The following DNMT3A variants were observed in gnomAD, a reference collection of about 807,000 sequenced individuals.
DNMT3A encodes DNA methyltransferase 3 alpha.
A neutral mutation model predicts 117.6 loss-of-function variants in DNMT3A; 267 were observed. That is an observed-to-expected ratio of 2.27 (90% confidence interval 2.05 to 2.51). The LOEUF is 2.51. Among genes scored for constraint, DNMT3A ranks in the 30% most tolerant of loss-of-function variants. The pLI is 0.00. For synonymous variants in DNMT3A, 432 were observed against 474.8 expected, an observed-to-expected ratio of 0.91 and a Z score of 1.17; for missense variants, 1,029 against 1,260.2, an observed-to-expected ratio of 0.82 and a Z score of 2.78.
chr2:25,244,998 T>A lies in DNMT3A; in HGVS notation c.1554+255A>T, dbSNP rs112056585. On this transcript the variant is annotated intron_variant, in intron 13 of 22. Coordinates refer to ENST00000321117, the MANE Select transcript of DNMT3A (RefSeq NM_022552.5). ...GCTTGTCCCCGCTGCTCTGCTCCCA[T>A]CCCCACATCTGGGGACTAAAATGGG... Among the ~76,000 whole-genome samples, 2,891 of 152,138 alleles carry A rather than the reference T, an allele frequency of 0.019. 40 individuals carry two copies. Among genetic ancestry groups the A allele is most frequent in the Non-Finnish European group, 0.027 (1,833 of 67,986 alleles).
intron 10 of DNMT3A, 125 bp downstream of exon 10, chr2:25,246,495 C>T: frequency 1.3e-5 from 19 of 1,463,528 alleles, no homozygotes; most frequent in Non-Finnish European, 1.7e-5. Flanking sequence ...AAGAGAGACC[C>T]CGGCTGTTCC....
rs1388588592 is a variant in DNMT3A at position 25,237,374 on chromosome 2, G to T, written c.2409-369C>A. Among the ~76,000 whole-genome samples the T allele has an allele frequency of 1.3e-5, 2 of 152,218 alleles. No homozygotes were observed. Among genetic ancestry groups the T allele is most frequent in the Middle Eastern group, 3.2e-3 (1 of 316 alleles). ...TCCCACTGCGAAGCAAGCTTTGGGGGTGACAATGTTCTGTATCTTGATTTG... is the reference window on the plus strand; with the variant it reads ...TCCCACTGCGAAGCAAGCTTTGGGGTTGACAATGTTCTGTATCTTGATTTG... On this transcript the variant is annotated intron_variant, in intron 20 of 22. Coordinates refer to ENST00000321117, the MANE Select transcript of DNMT3A (RefSeq NM_022552.5). This position sits in a 1 kb window ranked among gnomAD's most constrained non-coding sequence, Gnocchi z 5.4.
At chr2:25,246,475 AC>A in intron 10 of DNMT3A, 144 bp downstream of exon 10, 5 of 1,431,106 alleles carry the variant, frequency 3.5e-6, no homozygotes, top group Non-Finnish European at 2.8e-6. Flanking sequence ...TCAAGTCCTG[AC>A]CCCAGGGCAA....
Position 25,247,079 on chromosome 2 carries a change from T to G in DNMT3A, c.1094A>C (p.Tyr365Ser). ...CAGGACCTCGTAGATGGCTTTGCGG[T>G]ACATGGGCTGCTTGTTGTACGTGGC... is the stretch of plus-strand genomic sequence containing the variant. ...HQATYNKQPM[Y>S]RKAIYEVLQV... The change falls in exon 9 of 23, where the codon TAC becomes TCC. Residue 365 changes from tyrosine to serine, a missense_variant. By Grantham distance (144) the Tyr-to-Ser change is moderately radical (BLOSUM62 -2). Coordinates refer to ENST00000321117, the MANE Select transcript of DNMT3A (RefSeq NM_022552.5). This position sits in a 1 kb window ranked among gnomAD's most constrained non-coding sequence, Gnocchi z 5.6. The G allele has an allele frequency of 1.2e-6, 2 of 1,614,076 alleles. No individual in the cohort carries two copies. Among genetic ancestry groups the G allele is most frequent in the Non-Finnish European group, 1.7e-6 (2 of 1,179,990 alleles).
intron 1 of DNMT3A, among the ~76,000 whole-genome samples, chr2:25,334,395 G>A (rs28529368): frequency 2.0e-3 from 302 of 152,198 alleles, no homozygotes; most frequent in African/African-American, 7.0e-3. Flanking sequence ...CTACCCCTTC[G>A]TGGGGCCTCC....
chr2:25,251,138 G>A, intron 6 of DNMT3A, among the ~76,000 whole-genome samples: 1 of 141,366 alleles, frequency 7.1e-6, no homozygotes, highest in East Asian at 2.2e-4. Context: ...GCAGTGGGGT[G>A]GGGGAAGGAA....
Position 25,289,346 on chromosome 2 carries a change from C to T in DNMT3A, c.178-6635G>A, listed in dbSNP as rs372885039. Reference sequence around the variant, plus strand: ...AACTCCTGATCCCAGGTGATCCATCCGCCTCAGCCTCCCAAAGTGCTGGGA... The same window carrying T: ...AACTCCTGATCCCAGGTGATCCATCTGCCTCAGCCTCCCAAAGTGCTGGGA... On this transcript the variant is annotated intron_variant, in intron 3 of 22. Transcript: ENST00000321117. Among the ~76,000 whole-genome samples the T allele has an allele frequency of 3.9e-5, 6 of 152,204 alleles. No homozygotes were observed. In the South Asian group the frequency reaches 1.0e-3, roughly 26 times the overall value.
chr2:25,338,083 C>T (rs569761734), intron 1 of DNMT3A, among the ~76,000 whole-genome samples: 5 of 152,268 alleles, frequency 3.3e-5, no homozygotes, highest in East Asian at 1.9e-4. Context: ...GGGGAGGATA[C>T]GAGCACCAAG....
At chr2:25,280,554 A>G (rs2031817099) in intron 4 of DNMT3A, among the ~76,000 whole-genome samples, 1 of 152,170 alleles carries the variant, frequency 6.6e-6, no homozygotes, top group Non-Finnish European at 1.5e-5. Context: ...AGCCCAGGCC[A>G]ACTCAGGTTC....
intron 3 of DNMT3A, among the ~76,000 whole-genome samples, chr2:25,284,734 A>G (rs1216438375): frequency 1.3e-5 from 2 of 148,482 alleles, no homozygotes; most frequent in Non-Finnish European, 3.0e-5. Flanking sequence ...TCAGCTCCCT[A>G]CCCCCAAAAT....
At chr2:25,329,287 A>C (rs750570547) in intron 1 of DNMT3A, among the ~76,000 whole-genome samples, 1 of 152,150 alleles carries the variant, frequency 6.6e-6, no homozygotes. Context: ...TTCGGGCCTC[A>C]GTTTCCCAAG....
At chr2:25,244,041 A>G in intron 15 of DNMT3A, 59 bp from the exon 16 acceptor site, 1 of 1,564,730 alleles carries the variant, frequency 6.4e-7, no homozygotes, top group Non-Finnish European at 8.7e-7. Context: ...GCTCCCACCC[A>G]GCGCTGGCCC....
chr2:25,334,542 C>G (rs527726112), intron 1 of DNMT3A, among the ~76,000 whole-genome samples: 1 of 152,354 alleles, frequency 6.6e-6, no homozygotes, highest in Non-Finnish European at 1.5e-5. Context: ...TGGGCCACAA[C>G]AGCCCATCAG....
rs1373972788 is a variant in DNMT3A, at chr2:25,293,172, G to A, written c.177+6967C>T. Among the ~76,000 whole-genome samples, 1 of 152,140 alleles carries A rather than the reference G, an allele frequency of 6.6e-6. No homozygotes were observed. Among genetic ancestry groups the A allele is most frequent in the Non-Finnish European group, 1.5e-5 (1 of 68,030 alleles). On this transcript the variant is annotated intron_variant, in intron 3 of 22. Transcript: ENST00000321117. The surrounding 1 kb of genome is among the most constrained non-coding windows in gnomAD (Gnocchi z 4.7). ...TGCTGTCCCTGTTGTGCCATTGCTA[G>A]GGCTTCCTTTCACCCCTTCCTCTCC...
chr2:25,244,038 C>T, intron 15 of DNMT3A, 56 bp from the exon 16 acceptor site: 3 of 1,562,286 alleles, frequency 1.9e-6, no homozygotes, highest in South Asian at 1.2e-5. Context: ...CAAGCTCCCA[C>T]CCAGCGCTGG....
rs1674998099 is a variant in DNMT3A at position 25,247,728 on chromosome 2, C to A, written c.877G>T (p.Gly293Trp). 1 of 1,613,146 alleles carries A rather than the reference C, an allele frequency of 6.2e-7. No homozygotes were observed. Among genetic ancestry groups the A allele is most frequent in the Non-Finnish European group, 8.5e-7 (1 of 1,180,004 alleles). ...CGCAGTTTCCCCCACACCAGCTCCC[C>A]AATGCCAAAGCCCCGGCCGTCCTGG... ...EYEDGRGFGI[G>W]ELVWGKLRGF... Residue 293 changes from glycine to tryptophan, a missense_variant, in exon 8 of 23, where the codon GGG becomes TGG. By Grantham distance (184) the Gly-to-Trp change is radical. Coordinates refer to ENST00000321117, the MANE Select transcript of DNMT3A (RefSeq NM_022552.5). The surrounding 1 kb of genome is among the most constrained non-coding windows in gnomAD (Gnocchi z 5.6).
chr2:25,276,805 T>C (rs987878537), intron 4 of DNMT3A, among the ~76,000 whole-genome samples: 1 of 152,130 alleles, frequency 6.6e-6, no homozygotes, highest in Admixed American at 6.5e-5. Flanking sequence ...CATGGTAGCT[T>C]GGGGTGGGGG....
intron 1 of DNMT3A, among the ~76,000 whole-genome samples, chr2:25,319,600 C>A (rs1156690975): frequency 2.0e-5 from 3 of 152,228 alleles, no homozygotes; most frequent in African/African-American, 7.2e-5. Context: ...TGCCAGTCAC[C>A]TGGCATGAGC....
chr2:25,340,798 C>A (rs551756510), intron 1 of DNMT3A, among the ~76,000 whole-genome samples: 76 of 150,728 alleles, frequency 5.0e-4, no homozygotes, highest in Admixed American at 2.0e-3. Context: ...GGGCGTACCC[C>A]CCCTGCGCCG....
Sources: gnomAD v4.1 joint callset for allele counts (sites outside exome capture counted in the v4.1 genomes callset) on GRCh38, gnomAD v4.1.1 for gene constraint, Gnocchi (gnomAD v3.1) non-coding constraint, MANE v1.5 for transcripts, NCBI Gene and HGNC (gene_info 2026-07-23, HGNC 2026-07-21) for gene names.